The following LETM1 variants were observed in gnomAD, a reference collection of about 807,000 sequenced individuals.
LETM1 encodes leucine zipper and EF-hand containing transmembrane protein 1.
Under a neutral mutation model 74.5 loss-of-function variants are expected in LETM1, and 50 were observed. That is an observed-to-expected ratio of 0.67 (90% CI 0.53 to 0.85). LETM1 has a LOEUF of 0.85. Ranked by LOEUF, LETM1 falls within the 40% of genes least tolerant of loss-of-function variation. The probability of loss-of-function intolerance (pLI) is 0.00; values close to 1 mark genes in which losing one functional copy is unlikely to be tolerated. For synonymous variants in LETM1, 446 were observed against 407.1 expected, an observed-to-expected ratio of 1.10 and a Z score of -1.15; for missense variants, 824 against 967.8, an observed-to-expected ratio of 0.85 and a Z score of 1.97.
At chr4:1,827,042 G>A (rs1034622658) in intron 6 of LETM1, among the ~76,000 whole-genome samples, 6 of 152,174 alleles carry the variant, frequency 3.9e-5, no homozygotes, top group Non-Finnish European at 5.9e-5. Flanking sequence ...TGCAGAAGGC[G>A]CAGGGAGAGG....
intron 6 of LETM1, among the ~76,000 whole-genome samples, chr4:1,831,672 C>T (rs1184469334): frequency 1.3e-5 from 2 of 152,204 alleles, no homozygotes; most frequent in Admixed American, 6.5e-5. Flanking sequence ...CCTGTTGTGT[C>T]CCGGCAAGGG....
At position 1,836,566 on chromosome 4, in the gene LETM1, G is replaced by A. The variant is rs1330011911; in HGVS notation, c.601C>T (p.Arg201Trp). The change falls in exon 4 of 14, where the codon CGG (arginine) becomes TGG (tryptophan). Residue 201 changes from arginine (R) to tryptophan (W), a missense_variant. By Grantham distance (101) the Arg-to-Trp change is moderately radical. Transcript: ENST00000302787. This position sits in a 1 kb window ranked among gnomAD's most constrained non-coding sequence, Gnocchi z 5.8. The part of the protein sequence containing the change: ...LTRRERRQFL[R>W]ICADLFRLVP... Reference sequence around the variant, plus strand: ...AGGCGGAAGAGGTCAGCGCAGATCCGGAGAAACTGGAAGGGGCGGAATCCA... The same window carrying A: ...AGGCGGAAGAGGTCAGCGCAGATCCAGAGAAACTGGAAGGGGCGGAATCCA... The A allele has an allele frequency of 6.2e-7, 1 of 1,613,574 alleles. No homozygotes were observed.
chr4:1,815,168 G>A (rs575963596), intron 13 of LETM1, among the ~76,000 whole-genome samples: 5 of 152,210 alleles, frequency 3.3e-5, no homozygotes, highest in Non-Finnish European at 7.3e-5. Flanking sequence ...CAGGGTCTCC[G>A]GGGCTACCCT....
chr4:1,843,348 C>T (rs1231433771), intron 2 of LETM1: 2 of 153,060 alleles, frequency 1.3e-5, no homozygotes, highest in East Asian at 1.9e-4. Context: ...GCGGGGAACT[C>T]TCTGGACCCG....
chr4:1,827,249 G>A (rs1275887492), intron 6 of LETM1, among the ~76,000 whole-genome samples: 2 of 147,860 alleles, frequency 1.4e-5, no homozygotes, highest in African/African-American at 5.0e-5. Context: ...TATTTTTGCT[G>A]GTTATAGATC....
At chr4:1,827,529 G>C (rs1371278890) in intron 6 of LETM1, among the ~76,000 whole-genome samples, 1 of 106,116 alleles carries the variant, frequency 9.4e-6, no homozygotes, top group Admixed American at 1.0e-4. Context: ...GTTTAACAAA[G>C]CACATCTTGC....
At chr4:1,855,446 T>C (rs1194715195) in intron 1 of LETM1, among the ~76,000 whole-genome samples, 1 of 152,220 alleles carries the variant, frequency 6.6e-6, no homozygotes, top group Admixed American at 6.5e-5. Context: ...GGAAGGCTCC[T>C]GCAGCCCAGC....
chr4:1,823,381 C>A (rs75710464), intron 8 of LETM1, among the ~76,000 whole-genome samples: 1 of 152,146 alleles, frequency 6.6e-6, no homozygotes, highest in Non-Finnish European at 1.5e-5. Context: ...CCAAGGGCCG[C>A]GGCCCAGATC....
intron 6 of LETM1, among the ~76,000 whole-genome samples, chr4:1,832,343 G>A (rs1246786812): frequency 6.6e-6 from 1 of 152,026 alleles, no homozygotes; most frequent in Middle Eastern, 3.4e-3. Flanking sequence ...GGAGGGCAGC[G>A]CCCTGAAAGC....
intron 2 of LETM1, among the ~76,000 whole-genome samples, chr4:1,844,652 AGC>A (rs1290014980): frequency 5.9e-4 from 90 of 152,090 alleles, no homozygotes; most frequent in African/African-American, 2.1e-3. Flanking sequence ...AACTGCTTGA[AGC>A]CGGGAGGTGG....
intron 7 of LETM1, 138 bp downstream of exon 7, chr4:1,825,426 C>G (rs1017532645): frequency 5.8e-6 from 6 of 1,042,550 alleles, no homozygotes; most frequent in African/African-American, 3.2e-5. Flanking sequence ...GCCCAAACAT[C>G]CTGGCCGTCC....
At chr4:1,819,512 G>A (rs780598248) in intron 10 of LETM1, 40 bp from the exon 11 acceptor site, 1 of 1,591,176 alleles carries the variant, frequency 6.3e-7, no homozygotes, top group Non-Finnish European at 8.6e-7. Context: ...CTGAGCCAAG[G>A]GAAAGAACTG....
rs377025505 is a variant in LETM1 at position 1,822,294 on chromosome 4, G to A, written c.1495C>T (p.Arg499Cys). Residue 499 changes from arginine to cysteine, a missense_variant, in exon 10 of 14, where the codon CGT becomes TGT. Arg to Cys is a radical substitution (Grantham distance 180, BLOSUM62 -3). Coordinates refer to ENST00000302787, the MANE Select transcript of LETM1 (RefSeq NM_012318.3). ...GGCCTTTGGGGAGCAGCTACCACAC[G>A]TTCGGGCTCAAAATCCTTCTGAAAG... ...SEVAKDFEPE[R>C]VVAAPQRPGT... 3.6e-5 allele frequency: 54 copies of A among 1,517,340 alleles called. No individual in the cohort carries two copies. The highest frequency in any genetic ancestry group is 4.2e-5 in the Non-Finnish European group (47 of 1,125,106). 94.0% of individuals were successfully genotyped at this position (1,517,340 alleles called of 1,614,324 possible).
chr4:1,817,187 G>A (rs566970322), intron 11 of LETM1, among the ~76,000 whole-genome samples: 1 of 141,038 alleles, frequency 7.1e-6, no homozygotes, highest in South Asian at 2.2e-4. Flanking sequence ...AGAGGCTGCA[G>A]TGAGCCAAGA....
At chr4:1,827,373 G>A (rs1712034491) in intron 6 of LETM1, among the ~76,000 whole-genome samples, 1 of 130,242 alleles carries the variant, frequency 7.7e-6, no homozygotes, top group Non-Finnish European at 1.6e-5. Flanking sequence ...ATAGTGGAGG[G>A]AAGGTCAGCA....
At chr4:1,817,886 C>T (rs959556999) in intron 11 of LETM1, among the ~76,000 whole-genome samples, 1 of 152,154 alleles carries the variant, frequency 6.6e-6, no homozygotes, top group African/African-American at 2.4e-5. Flanking sequence ...CCCAAGCAAT[C>T]CTCCTGCCTC....
chr4:1,819,852 TTAGA>T (rs1711713113), intron 10 of LETM1, among the ~76,000 whole-genome samples: 2 of 152,198 alleles, frequency 1.3e-5, no homozygotes, highest in African/African-American at 4.8e-5. Flanking sequence ...TTCTAGCATC[TTAGA>T]TAGACGGATC....
Position 1,815,704 on chromosome 4 carries a change from T to C in LETM1, c.2030A>G (p.Glu677Gly). The C allele has an allele frequency of 6.2e-7, 1 of 1,614,246 alleles. No homozygotes were observed. Among genetic ancestry groups the C allele is most frequent in the Non-Finnish European group, 8.5e-7 (1 of 1,180,034 alleles). The part of the protein sequence containing the change: ...KLTSLAAALD[E>G]NKDGKVNIDD... The stretch of plus-strand genomic sequence containing the variant: ...GATGTTGACCTTGCCATCCTTGTTT[T>C]CATCCAGTGCTGCGGCCAGGCTGGT... The change falls in exon 13 of 14, where the codon GAA becomes GGA. Residue 677 changes from glutamate to glycine, a missense_variant. Around this residue, in one of 4 missense-constraint regions of LETM1, gnomAD observed 161 missense variants for 252.7 expected, o/e 0.64. Coordinates refer to ENST00000302787, the MANE Select transcript of LETM1 (RefSeq NM_012318.3).
chr4:1,845,077 C>T (rs561747340), intron 2 of LETM1, among the ~76,000 whole-genome samples: 85 of 151,684 alleles, frequency 5.6e-4, no homozygotes, highest in African/African-American at 2.0e-3. Context: ...ATCATCTCAG[C>T]TACTCGGGAG....
Sources: gnomAD v4.1 joint callset for allele counts (sites outside exome capture counted in the v4.1 genomes callset) on GRCh38, gnomAD v4.1.1 for gene constraint, gnomAD v4.1.1 regional missense constraint, Gnocchi (gnomAD v3.1) non-coding constraint, MANE v1.5 for transcripts, NCBI Gene and HGNC (gene_info 2026-07-23, HGNC 2026-07-21) for gene names.